Variants in TNFRSF10A observed in about 807,000 individuals in gnomAD.
TNFRSF10A encodes TNF receptor superfamily member 10a, also known as tumor necrosis factor receptor superfamily member 10A.
Under a neutral mutation model 42.8 loss-of-function variants are expected in TNFRSF10A, and 44 were observed. The ratio of observed to expected loss-of-function variants is 1.03; its 90% CI spans 0.81 to 1.32. The LOEUF is 1.32. TNFRSF10A is among the 40% of genes most tolerant of loss of function. The probability of loss-of-function intolerance (pLI) is 0.00; values close to 1 mark genes in which losing one functional copy is unlikely to be tolerated. For missense variants in TNFRSF10A, 680 were observed against 602.0 expected (o/e 1.13, Z -1.36); for synonymous variants, 259 against 234.2 (o/e 1.11, Z -0.97).
intron 1 of TNFRSF10A, among the ~76,000 whole-genome samples, chr8:23,223,865 C>T (rs969255433): frequency 6.6e-6 from 1 of 152,210 alleles, no homozygotes; most frequent in African/African-American, 2.4e-5. Context: ...TGGCTGCCTG[C>T]CTCGTGGTGG....
chr8:23,213,920 C>T (rs13250183), intron 1 of TNFRSF10A, among the ~76,000 whole-genome samples: 75,788 of 151,866 alleles, frequency 0.5, 19,343 homozygotes, highest in East Asian at 0.68. Context: ...AAACATTTTT[C>T]TAATTTCCAT....
chr8:23,200,766 T>G lies in TNFRSF10A; in HGVS notation c.630-6A>C. The G allele has an allele frequency of 1.4e-6, 1 of 736,640 alleles. No homozygotes were observed. The highest frequency in any genetic ancestry group is 2.3e-6 in the Non-Finnish European group (1 of 433,812). The allele number at this position is 736,640 out of a possible 1,614,324, so 45.6% of individuals were successfully genotyped here. A position where few individuals can be genotyped will look rare whatever the true frequency, so the allele number is the denominator to read the frequency against. ...TGACCATCCCTCTGGGGCACCTGGG[T>G]ACACACAGGGAGGGAGGGGGGGGAC... On this transcript the variant is annotated splice_polypyrimidine_tract_variant and splice_region_variant and intron_variant, in intron 4 of 9. Coordinates refer to ENST00000221132, the MANE Select transcript of TNFRSF10A (RefSeq NM_003844.4).
intron 9 of TNFRSF10A, among the ~76,000 whole-genome samples, chr8:23,196,529 C>G (rs977098617): frequency 3.3e-5 from 5 of 151,994 alleles, no homozygotes; most frequent in Non-Finnish European, 7.4e-5. Flanking sequence ...CTATATAAAC[C>G]CCTAGTTTTA....
chr8:23,224,399 G>T (rs1391977628), intron 1 of TNFRSF10A: 1 of 236,640 alleles, frequency 4.2e-6, no homozygotes, highest in African/African-American at 2.3e-5. Flanking sequence ...CACGCAGCTG[G>T]TGTGGCTGGG....
rs1478031668 is a variant in TNFRSF10A, at chr8:23,200,747, TC to T, written c.642del (p.Met215TrpfsTer28). The T allele has an allele frequency of 9.3e-7, 1 of 1,071,580 alleles. No homozygotes were observed. The highest frequency in any genetic ancestry group is 4.3e-5 in the East Asian group (1 of 23,382). 66.4% of individuals were successfully genotyped at this position (1,071,580 alleles called of 1,614,324 possible). A position where few individuals can be genotyped will look rare whatever the true frequency, so the allele number is the denominator to read the frequency against. ...GGCGTACAATCCTTGACCTTGACCA[TC>T]CCTCTGGGGCACCTGGGTACACACA... Reference protein sequence around the residue: ...CRKCSRGCPRGMVKVKDCTPW... With the variant: ...CRKCSRGCPRXMVKVKDCTPW... On this transcript the variant is annotated frameshift_variant, in exon 5 of 10. Transcript: ENST00000221132. LOFTEE classifies it high-confidence loss of function.
intron 2 of TNFRSF10A, among the ~76,000 whole-genome samples, chr8:23,204,578 C>T (rs1276971289): frequency 6.6e-6 from 1 of 152,166 alleles, no homozygotes. Context: ...ATAAAACACT[C>T]TACTCAATCA....
Position 23,206,012 on chromosome 8 carries a change from G to A in TNFRSF10A, c.404-3251C>T, listed in dbSNP as rs534468670. On this transcript the variant is annotated intron_variant, in intron 2 of 9. Transcript: ENST00000221132. ...ATTACAGGTGTGAGCCACTGCGCCC[G>A]GCCAATGTCTGTGTTTCTATCTTAG... Among the ~76,000 whole-genome samples the A allele has an allele frequency of 6.1e-4, 92 of 152,000 alleles. 1 individual carries two copies. The highest frequency in any genetic ancestry group is 3.4e-3 in the Middle Eastern group (1 of 294).
At chr8:23,216,692 G>C (rs1801188206) in intron 1 of TNFRSF10A, among the ~76,000 whole-genome samples, 1 of 151,544 alleles carries the variant, frequency 6.6e-6, no homozygotes, top group Non-Finnish European at 1.5e-5. Context: ...CAGTGAACCG[G>C]GATCACGCCA....
chr8:23,213,784 T>C (rs556398955), intron 1 of TNFRSF10A, among the ~76,000 whole-genome samples: 15 of 152,076 alleles, frequency 9.9e-5, no homozygotes, highest in Non-Finnish European at 2.2e-4. Context: ...AAAAGGTAGA[T>C]TGTTCATTTA....
intron 1 of TNFRSF10A, among the ~76,000 whole-genome samples, chr8:23,217,246 T>C (rs1438009607): frequency 6.6e-6 from 1 of 152,186 alleles, no homozygotes; most frequent in African/African-American, 2.4e-5. Flanking sequence ...AGACGGAGTC[T>C]TGCTCTGTTG....
chr8:23,198,735 G>GTGTGTGTGCATGTGTGTACATGCA (rs1222712519), intron 8 of TNFRSF10A, among the ~76,000 whole-genome samples: 10 of 152,160 alleles, frequency 6.6e-5, no homozygotes, highest in African/African-American at 9.7e-5. Flanking sequence ...GTACGTGCAT[G>GTGTGTGTGCATGTGTGTACATGCA]TGTGTGTGCA....
At chr8:23,214,465 A>G (rs1450140110) in intron 1 of TNFRSF10A, among the ~76,000 whole-genome samples, 2 of 150,860 alleles carry the variant, frequency 1.3e-5, no homozygotes, top group African/African-American at 2.4e-5. Context: ...TCCAGCCTGG[A>G]CGACAGAGCC....
chr8:23,219,992 T>C (rs1801235791), intron 1 of TNFRSF10A, among the ~76,000 whole-genome samples: 1 of 152,138 alleles, frequency 6.6e-6, no homozygotes, highest in African/African-American at 2.4e-5. Context: ...ACACTTTCCC[T>C]CTCTGAGCTT....
At chr8:23,209,944 A>C (rs1442546348) in intron 2 of TNFRSF10A, among the ~76,000 whole-genome samples, 1 of 152,182 alleles carries the variant, frequency 6.6e-6, no homozygotes, top group African/African-American at 2.4e-5. Context: ...CTCAAATTTC[A>C]TGTTGAATTC....
intron 2 of TNFRSF10A, among the ~76,000 whole-genome samples, chr8:23,204,575 A>T (rs567371089): frequency 7.9e-5 from 12 of 152,258 alleles, no homozygotes; most frequent in African/African-American, 2.9e-4. Context: ...TCTATAAAAC[A>T]CTCTACTCAA....
rs753350830 is a variant in TNFRSF10A at position 23,201,936 on chromosome 8, AG to A, written c.518-18del. 9 of 1,610,972 alleles carry A rather than the reference AG, an allele frequency of 5.6e-6. No individual in the cohort carries two copies. The highest frequency in any genetic ancestry group is 7.6e-6 in the Non-Finnish European group (9 of 1,177,512). ...CTTCTTCATCTGATGACAGAGTACAAGGTTTTGGGAATGTGTTTCCCTGACG... is the reference window on the plus strand; with the variant it reads ...CTTCTTCATCTGATGACAGAGTACAAGTTTTGGGAATGTGTTTCCCTGACG... On this transcript the variant is annotated intron_variant, in intron 3 of 9. Coordinates refer to ENST00000221132, the MANE Select transcript of TNFRSF10A (RefSeq NM_003844.4).
At chr8:23,215,885 C>T (rs1418776070) in intron 1 of TNFRSF10A, among the ~76,000 whole-genome samples, 1 of 150,536 alleles carries the variant, frequency 6.6e-6, no homozygotes, top group African/African-American at 2.5e-5. Flanking sequence ...GTGGCGTGAT[C>T]TCGGCTCACT....
intron 1 of TNFRSF10A, among the ~76,000 whole-genome samples, chr8:23,218,513 A>G (rs762029559): frequency 2.0e-4 from 31 of 152,080 alleles, no homozygotes; most frequent in Non-Finnish European, 4.4e-5. Context: ...TGGTATAAAA[A>G]GACCCCTGGG....
chr8:23,200,192 C>T (rs181380257), intron 6 of TNFRSF10A, among the ~76,000 whole-genome samples: 17 of 152,364 alleles, frequency 1.1e-4, no homozygotes, highest in African/African-American at 3.8e-4. Context: ...AACCACTTCT[C>T]GTCTCGACTC....
Sources: gnomAD v4.1 joint callset for allele counts (sites outside exome capture counted in the v4.1 genomes callset) on GRCh38, gnomAD v4.1.1 for gene constraint, MANE v1.5 for transcripts, NCBI Gene and HGNC (gene_info 2026-07-23, HGNC 2026-07-21) for gene names.